Variants in ZFYVE9 observed in about 807,000 individuals in gnomAD.
ZFYVE9 encodes the protein zinc finger FYVE domain-containing protein 9.
A neutral mutation model predicts 126.7 loss-of-function variants in ZFYVE9; 43 were observed. The ratio of observed to expected loss-of-function variants is 0.34; its 90% CI spans 0.27 to 0.44. ZFYVE9 has a LOEUF of 0.44. ZFYVE9 is among the 20% of genes least tolerant of loss of function. ZFYVE9 has a pLI of 1.00. For synonymous variants in ZFYVE9, 521 were observed against 597.4 expected, an observed-to-expected ratio of 0.87 and a Z score of 1.87; for missense variants, 1,476 against 1,697.0, an observed-to-expected ratio of 0.87 and a Z score of 2.29.
chr1:52,177,361 G>A (rs1459676399), intron 1 of ZFYVE9, among the ~76,000 whole-genome samples: 3 of 152,112 alleles, frequency 2.0e-5, no homozygotes, highest in African/African-American at 4.8e-5. Flanking sequence ...TCTTGGCCAG[G>A]CTGGTCTTGA....
intron 10 of ZFYVE9, among the ~76,000 whole-genome samples, chr1:52,290,674 T>C (rs560149234): frequency 1.3e-5 from 2 of 152,282 alleles, no homozygotes; most frequent in South Asian, 4.1e-4. Context: ...TGACACTCTA[T>C]CCCTGATCCT....
In ZFYVE9 at chr1:52,278,887, C is replaced by T. The variant is rs139385766; in HGVS notation, c.2869+273C>T. Among the ~76,000 whole-genome samples the T allele has an allele frequency of 3.9e-3, 599 of 151,796 alleles. 13 individuals are homozygous for T. The South Asian group carries it at 0.044, about 11-fold the overall frequency. On this transcript the variant is annotated intron_variant, in intron 9 of 18. Transcript: ENST00000287727. ...CTGGGACAACAGGTGCCCGCCACCA[C>T]GCCCGGCTAATTTTTCGTATTTGTT...
chr1:52,202,931 C>A (rs1000805725), intron 1 of ZFYVE9, among the ~76,000 whole-genome samples: 2 of 151,966 alleles, frequency 1.3e-5, no homozygotes, highest in Non-Finnish European at 2.9e-5. Context: ...GGTGATCCCC[C>A]CATCTTGGCC....
At chr1:52,281,045 GCTT>G (rs1422972061) in intron 9 of ZFYVE9, among the ~76,000 whole-genome samples, 1 of 151,234 alleles carries the variant, frequency 6.6e-6, no homozygotes, top group African/African-American at 2.4e-5. Flanking sequence ...ATAGAATGTT[GCTT>G]CTTTTAATAG....
intron 1 of ZFYVE9, chr1:52,180,495 C>CACTGAGGACAGCAATACA: frequency 1.2e-6 from 1 of 853,394 alleles, no homozygotes; most frequent in Non-Finnish European, 2.0e-6. Context: ...AGATGTATTG[C>CACTGAGGACAGCAATACA]TGTCCTCAGT....
At chr1:52,148,744 C>T (rs577699854) in intron 1 of ZFYVE9, among the ~76,000 whole-genome samples, 4 of 150,596 alleles carry the variant, frequency 2.7e-5, no homozygotes, top group East Asian at 2.0e-4. Context: ...CAGATTCAAG[C>T]GATCCTCCTG....
intron 13 of ZFYVE9, among the ~76,000 whole-genome samples, chr1:52,306,126 A>T (rs1013837014): frequency 6.6e-6 from 1 of 152,108 alleles, no homozygotes; most frequent in East Asian, 1.9e-4. Flanking sequence ...CACCAGTCCC[A>T]TGGACTGTAG....
intron 7 of ZFYVE9, 107 bp from the exon 8 acceptor site, chr1:52,274,357 G>T: frequency 7.4e-7 from 1 of 1,356,492 alleles, no homozygotes. Flanking sequence ...CTTTCAAAAA[G>T]TATGAATTTC....
At chr1:52,156,969 A>AGC (rs1644408413) in intron 1 of ZFYVE9, among the ~76,000 whole-genome samples, 1 of 151,886 alleles carries the variant, frequency 6.6e-6, no homozygotes, top group African/African-American at 2.4e-5. Context: ...AGTAGCTGGG[A>AGC]CTACAGGCGC....
intron 10 of ZFYVE9, among the ~76,000 whole-genome samples, chr1:52,290,774 A>G (rs1280907484): frequency 6.6e-6 from 1 of 152,212 alleles, no homozygotes; most frequent in African/African-American, 2.4e-5. Flanking sequence ...TTGGCTGATC[A>G]ATATATGTAT....
At chr1:52,276,714 C>A (rs994043831) in intron 8 of ZFYVE9, among the ~76,000 whole-genome samples, 2 of 152,208 alleles carry the variant, frequency 1.3e-5, no homozygotes, top group Non-Finnish European at 2.9e-5. Flanking sequence ...ATGGTTAATT[C>A]TTCTCTGAAT....
chr1:52,204,556 G>A (rs565249841), intron 1 of ZFYVE9, among the ~76,000 whole-genome samples: 12 of 152,060 alleles, frequency 7.9e-5, no homozygotes, highest in Admixed American at 7.2e-4. Context: ...GTGAAACCCC[G>A]TCTCTGCTAA....
rs915085724 is a variant in ZFYVE9 at position 52,242,144 on chromosome 1, G to C, written c.2178+2549G>C. ...CCTCCTGGGCTCAGGCAATTCTCCT[G>C]CCTCAGCCTCCTGAGTAGCTGGGAC... On this transcript the variant is annotated intron_variant, in intron 4 of 18. Coordinates refer to ENST00000287727, the MANE Select transcript of ZFYVE9 (RefSeq NM_004799.4). Among the ~76,000 whole-genome samples, 9 of 147,316 alleles carry C rather than the reference G, an allele frequency of 6.1e-5. No individual in the cohort carries two copies. The Admixed American group carries it at 6.4e-4, about 10-fold the overall frequency.
rs535762672 is a variant in ZFYVE9 at position 52,159,395 on chromosome 1, A to G, written c.-143+16992A>G. Among the ~76,000 whole-genome samples, 3 of 152,362 alleles carry G rather than the reference A, an allele frequency of 2.0e-5. No individual in the cohort carries two copies. The South Asian group carries it at 6.2e-4, about 32-fold the overall frequency. On this transcript the variant is annotated intron_variant, in intron 1 of 18. Transcript: ENST00000287727. ...CTGCTGAGACAGGACTATAAGAGATACATGAAGTAGGAGAGGACTTCCGTG... is the reference window on the plus strand; with the variant it reads ...CTGCTGAGACAGGACTATAAGAGATGCATGAAGTAGGAGAGGACTTCCGTG...
At chr1:52,303,228 A>G (rs1322434808) in intron 12 of ZFYVE9, among the ~76,000 whole-genome samples, 3 of 152,156 alleles carry the variant, frequency 2.0e-5, no homozygotes, top group African/African-American at 4.8e-5. Flanking sequence ...CCACCTATTC[A>G]TTACCAAGGA....
At chr1:52,230,893 A>G (rs1259789222) in intron 2 of ZFYVE9, among the ~76,000 whole-genome samples, 1 of 152,150 alleles carries the variant, frequency 6.6e-6, no homozygotes, top group Non-Finnish European at 1.5e-5. Context: ...AAATTTTCTT[A>G]CTTAGCCTTG....
intron 2 of ZFYVE9, among the ~76,000 whole-genome samples, chr1:52,226,226 T>C (rs1398147330): frequency 6.6e-6 from 1 of 152,202 alleles, no homozygotes; most frequent in African/African-American, 2.4e-5. Context: ...GCCTCCATCT[T>C]GAGCATGTCT....
intron 1 of ZFYVE9, among the ~76,000 whole-genome samples, chr1:52,172,319 G>A (rs1410590403): frequency 5.9e-5 from 9 of 152,038 alleles, no homozygotes; most frequent in Non-Finnish European, 1.2e-4. Flanking sequence ...GTAGATATGC[G>A]GCGTTATTTC....
intron 1 of ZFYVE9, among the ~76,000 whole-genome samples, chr1:52,143,705 A>C (rs1644282242): frequency 6.6e-6 from 1 of 152,216 alleles, no homozygotes. Context: ...GACCTGTAAA[A>C]ATATTTTACT....
Sources: gnomAD v4.1 joint callset for allele counts (sites outside exome capture counted in the v4.1 genomes callset) on GRCh38, gnomAD v4.1.1 for gene constraint, MANE v1.5 for transcripts, NCBI Gene and HGNC (gene_info 2026-07-23, HGNC 2026-07-21) for gene names.